The following MAGI2 variants were observed in gnomAD, a reference collection of about 807,000 sequenced individuals.
MAGI2 encodes membrane-associated guanylate kinase, WW and PDZ domain-containing protein 2.
A neutral mutation model predicts 133.3 loss-of-function variants in MAGI2; 35 were observed. That is an observed-to-expected ratio of 0.26 (90% CI 0.20 to 0.35). The LOEUF is 0.35. Ranked by LOEUF, MAGI2 falls within the 10% of genes least tolerant of loss-of-function variation. The pLI is 1.00. For missense variants in MAGI2, 1,636 were observed against 1,863.4 expected, an observed-to-expected ratio of 0.88 and a Z score of 2.25; for synonymous variants, 729 against 710.6, an observed-to-expected ratio of 1.03 and a Z score of -0.41.
At chr7:78,435,132 A>G (rs1347938057) in intron 6 of MAGI2, among the ~76,000 whole-genome samples, 2 of 152,140 alleles carry the variant, frequency 1.3e-5, no homozygotes, top group Non-Finnish European at 2.9e-5. Context: ...CCTGATCTAT[A>G]AATGGGGGTA....
chr7:78,415,609 T>A (rs997114009), intron 6 of MAGI2, among the ~76,000 whole-genome samples: 1 of 152,060 alleles, frequency 6.6e-6, no homozygotes, highest in East Asian at 1.9e-4. Context: ...AGGTATCAAG[T>A]GGAAAGAGGC....
intron 9 of MAGI2, among the ~76,000 whole-genome samples, chr7:78,283,407 T>C (rs915868578): frequency 6.6e-6 from 1 of 152,134 alleles, no homozygotes; most frequent in Non-Finnish European, 1.5e-5. Flanking sequence ...TTTAAGGTAG[T>C]ATTTGCCAAG....
chr7:78,904,125 C>G (rs1797826200), intron 2 of MAGI2: 1 of 152,184 alleles, frequency 6.6e-6, no homozygotes, highest in South Asian at 2.1e-4. Context: ...TTCCCAAGTT[C>G]TCAGACAATG....
At chr7:78,232,948 C>G (rs1287082937) in intron 10 of MAGI2, among the ~76,000 whole-genome samples, 1 of 152,138 alleles carries the variant, frequency 6.6e-6, no homozygotes, top group Non-Finnish European at 1.5e-5. Context: ...TAAGGAGCTT[C>G]AAGTGGTATC....
chr7:78,573,076 T>TATATATAC (rs1230373322), intron 3 of MAGI2, among the ~76,000 whole-genome samples: 5 of 52,576 alleles, frequency 9.5e-5, no homozygotes, highest in Middle Eastern at 0.013. Flanking sequence ...TATATATATA[T>TATATATAC]ACACACACAC....
At chr7:78,936,652 A>G (rs1359547852) in intron 2 of MAGI2, among the ~76,000 whole-genome samples, 2 of 152,072 alleles carry the variant, frequency 1.3e-5, no homozygotes, top group Non-Finnish European at 2.9e-5. Context: ...AAATTTCAAA[A>G]ACCACCTCAT....
At position 79,007,214 on chromosome 7, in the gene MAGI2, T is replaced by TA. The variant is rs532013108; in HGVS notation, c.302-9dup. ...CTTTATCAACAATTCCTCCTAAAAA[T>TA]AAAAAAAGTTTCTTGGTAAGGGATG... On this transcript the variant is annotated splice_polypyrimidine_tract_variant and intron_variant, in intron 1 of 21. Coordinates refer to ENST00000354212, the MANE Select transcript of MAGI2 (RefSeq NM_012301.4). 273 of 1,553,120 alleles carry TA rather than the reference T, an allele frequency of 1.8e-4. No homozygotes were observed. The highest frequency in any genetic ancestry group is 2.2e-4 in the Non-Finnish European group (252 of 1,136,100).
chr7:79,423,389 AT>A (rs1384857834), intron 1 of MAGI2, among the ~76,000 whole-genome samples: 1 of 151,488 alleles, frequency 6.6e-6, no homozygotes, highest in Non-Finnish European at 1.5e-5. Context: ...TTCTCTTTTC[AT>A]TTAATATTAA....
chr7:78,736,988 A>G (rs1343524289), intron 2 of MAGI2, among the ~76,000 whole-genome samples: 2 of 152,238 alleles, frequency 1.3e-5, no homozygotes, highest in Non-Finnish European at 2.9e-5. Flanking sequence ...CACTTTGTGC[A>G]TGAAGTACTG....
chr7:78,146,107 C>T (rs1823284025), intron 16 of MAGI2, among the ~76,000 whole-genome samples: 1 of 151,842 alleles, frequency 6.6e-6, no homozygotes, highest in Non-Finnish European at 1.5e-5. Flanking sequence ...TATTTGCTTG[C>T]TTTATTATTT....
chr7:79,269,610 G>C (rs1834727809), intron 1 of MAGI2, among the ~76,000 whole-genome samples: 1 of 152,148 alleles, frequency 6.6e-6, no homozygotes, highest in African/African-American at 2.4e-5. Context: ...AATGCCTTTG[G>C]TGCTATGTAT....
intron 1 of MAGI2, among the ~76,000 whole-genome samples, chr7:79,432,602 A>T (rs1055206364): frequency 6.6e-6 from 1 of 151,346 alleles, no homozygotes; most frequent in African/African-American, 2.5e-5. Flanking sequence ...GCTTTTCAGA[A>T]AAAACAAGTA....
chr7:79,396,767 A>C (rs574334152), intron 1 of MAGI2, among the ~76,000 whole-genome samples: 1 of 152,264 alleles, frequency 6.6e-6, no homozygotes, highest in Admixed American at 6.5e-5. Context: ...TTTAGAGCCT[A>C]ATACGTATTA....
At chr7:78,664,723 TTATTC>T (rs66490107) in intron 2 of MAGI2, among the ~76,000 whole-genome samples, 62,144 of 151,100 alleles carry the variant, frequency 0.41, 12,930 homozygotes, top group Non-Finnish European at 0.45. Flanking sequence ...AAGATTCTCT[TTATTC>T]TATTCTAACA....
intron 2 of MAGI2, among the ~76,000 whole-genome samples, chr7:78,754,385 A>G (rs967455493): frequency 1.1e-4 from 17 of 151,910 alleles, no homozygotes; most frequent in African/African-American, 3.4e-4. Context: ...AAATAAATAA[A>G]TAAATAAATA....
At chr7:78,654,398 C>T (rs1811908884) in intron 2 of MAGI2, among the ~76,000 whole-genome samples, 2 of 152,100 alleles carry the variant, frequency 1.3e-5, no homozygotes, top group South Asian at 4.2e-4. Context: ...CACCTCCCAA[C>T]CTGAGTCTTG....
chr7:78,744,632 G>GA lies in MAGI2; in HGVS notation c.419-117394dup, dbSNP rs557906745. 5.3e-5 allele frequency among the ~76,000 whole-genome samples: 8 copies of GA among 151,738 alleles called. No homozygotes were observed. The South Asian group carries it at 1.0e-3, about 20-fold the overall frequency. On this transcript the variant is annotated intron_variant, in intron 2 of 21. Coordinates refer to ENST00000354212, the MANE Select transcript of MAGI2 (RefSeq NM_012301.4). ...ATGAGTCTAATTCTATGAAGTGAAG[G>GA]AAAAAAAATCTCTTCTACTTATAGA...
intron 1 of MAGI2, among the ~76,000 whole-genome samples, chr7:79,160,974 T>C (rs1352765359): frequency 6.6e-6 from 1 of 152,018 alleles, no homozygotes; most frequent in Non-Finnish European, 1.5e-5. Context: ...TGCAACTCCC[T>C]ACTGGGAATC....
intron 1 of MAGI2, among the ~76,000 whole-genome samples, chr7:79,317,788 G>A (rs13230579): frequency 0.63 from 94,941 of 151,902 alleles, 30,445 homozygotes; most frequent in Non-Finnish European, 0.69. Context: ...CGCTTGCCAT[G>A]AAGGCTTCTT....
Sources: gnomAD v4.1 joint callset for allele counts (sites outside exome capture counted in the v4.1 genomes callset) on GRCh38, gnomAD v4.1.1 for gene constraint, MANE v1.5 for transcripts, NCBI Gene and HGNC (gene_info 2026-07-23, HGNC 2026-07-21) for gene names.